Variants in SNTB1 observed in about 807,000 individuals in gnomAD.
The protein encoded by SNTB1 is syntrophin beta 1, also known as beta-1-syntrophin.
A neutral mutation model predicts 48.9 loss-of-function variants in SNTB1; 36 were observed. That is an observed-to-expected ratio of 0.74 (90% confidence interval 0.56 to 0.97). The LOEUF (loss-of-function observed/expected upper bound fraction) is 0.97, where lower values mean the gene tolerates loss of function less well. SNTB1 is among the 50% of genes least tolerant of loss of function. The pLI is 0.00. For synonymous variants in SNTB1, 299 were observed against 294.6 expected (o/e 1.01, Z -0.15); for missense variants, 786 against 703.4 (o/e 1.12, Z -1.33).
At chr8:120,620,243 TTA>T (rs1285752513) in intron 3 of SNTB1, among the ~76,000 whole-genome samples, 1 of 152,200 alleles carries the variant, frequency 6.6e-6, no homozygotes, top group Admixed American at 6.5e-5. Context: ...TGGATTACAT[TTA>T]TTGGATGCTA....
chr8:120,709,417 G>C (rs1252774800), intron 1 of SNTB1, among the ~76,000 whole-genome samples: 1 of 152,132 alleles, frequency 6.6e-6, no homozygotes, highest in Non-Finnish European at 1.5e-5. Context: ...AGAGATAAAG[G>C]TCAACAGACA....
chr8:120,674,037 G>T (rs1236885206), intron 2 of SNTB1, among the ~76,000 whole-genome samples: 1 of 152,150 alleles, frequency 6.6e-6, no homozygotes, highest in Non-Finnish European at 1.5e-5. Flanking sequence ...CATGGGTTTG[G>T]CAAACTGTTA....
chr8:120,546,168 T>C (rs1815377416), intron 5 of SNTB1, among the ~76,000 whole-genome samples: 2 of 152,186 alleles, frequency 1.3e-5, no homozygotes, highest in South Asian at 4.1e-4. Context: ...AACTCAAAGT[T>C]AGATTTACTG....
intron 2 of SNTB1, among the ~76,000 whole-genome samples, chr8:120,644,966 G>A (rs1817261705): frequency 6.6e-6 from 1 of 151,852 alleles, no homozygotes; most frequent in South Asian, 2.1e-4. Context: ...GTCTTCTTTT[G>A]AGAAGTGTCT....
intron 2 of SNTB1, among the ~76,000 whole-genome samples, chr8:120,663,376 T>G (rs1281307130): frequency 6.6e-6 from 1 of 152,008 alleles, no homozygotes; most frequent in Non-Finnish European, 1.5e-5. Flanking sequence ...AGTATGAGAG[T>G]ACATTGCACA....
At chr8:120,672,137 T>C (rs1314409235) in intron 2 of SNTB1, among the ~76,000 whole-genome samples, 1 of 145,842 alleles carries the variant, frequency 6.9e-6, no homozygotes, top group Non-Finnish European at 1.5e-5. Context: ...TAGGCTAATG[T>C]AAGTGTTCTG....
chr8:120,552,763 G>A (rs753671397), intron 4 of SNTB1, among the ~76,000 whole-genome samples: 11 of 152,058 alleles, frequency 7.2e-5, no homozygotes, highest in African/African-American at 2.7e-4. Flanking sequence ...TGATTCAAGC[G>A]CATTACATTT....
chr8:120,747,171 T>G (rs1198946919), intron 1 of SNTB1, among the ~76,000 whole-genome samples: 5 of 152,236 alleles, frequency 3.3e-5, no homozygotes, highest in Non-Finnish European at 7.3e-5. Flanking sequence ...CATGGAATAC[T>G]ATGCAGCCAT....
intron 3 of SNTB1, among the ~76,000 whole-genome samples, chr8:120,604,598 G>A (rs1388137165): frequency 3.3e-5 from 5 of 151,910 alleles, no homozygotes; most frequent in South Asian, 2.1e-4. Flanking sequence ...TTACAGGTGC[G>A]CACCACCATG....
rs13270241 is a variant in SNTB1 at position 120,792,121 on chromosome 8, C to A, written c.571+19152G>T. 3.3e-4 allele frequency among the ~76,000 whole-genome samples: 49 copies of A among 147,704 alleles called. 1 individual carries two copies. The highest frequency in any genetic ancestry group is 7.9e-4 in the East Asian group (4 of 5,064). ...AAGAAGCACACACACACACACACACCCACACACACATACATACACCCACAC... is the reference window on the plus strand; with the variant it reads ...AAGAAGCACACACACACACACACACACACACACACATACATACACCCACAC... On this transcript the variant is annotated intron_variant, in intron 1 of 6. Coordinates refer to ENST00000517992, the MANE Select transcript of SNTB1 (RefSeq NM_021021.4).
At chr8:120,621,517 A>G (rs1412323561) in intron 3 of SNTB1, among the ~76,000 whole-genome samples, 1 of 152,216 alleles carries the variant, frequency 6.6e-6, no homozygotes, top group East Asian at 1.9e-4. Flanking sequence ...GTACAGCCAC[A>G]TGTTTTGTGA....
chr8:120,671,462 G>A (rs997327167), intron 2 of SNTB1, among the ~76,000 whole-genome samples: 1 of 152,218 alleles, frequency 6.6e-6, no homozygotes, highest in Non-Finnish European at 1.5e-5. Flanking sequence ...CTGAAGCGGA[G>A]ATTGCAGGGA....
chr8:120,751,651 A>G (rs956037824), intron 1 of SNTB1, among the ~76,000 whole-genome samples: 1 of 152,090 alleles, frequency 6.6e-6, no homozygotes, highest in Non-Finnish European at 1.5e-5. Context: ...TTATATATAC[A>G]TTTATATATA....
chr8:120,539,940 C>G (rs2130640580), intron 6 of SNTB1, among the ~76,000 whole-genome samples: 1 of 152,262 alleles, frequency 6.6e-6, no homozygotes, highest in Non-Finnish European at 1.5e-5. Context: ...AGTTATGAAA[C>G]TTTCTGAAAT....
At chr8:120,711,376 T>C (rs1818461464) in intron 1 of SNTB1, among the ~76,000 whole-genome samples, 1 of 152,122 alleles carries the variant, frequency 6.6e-6, no homozygotes, top group Non-Finnish European at 1.5e-5. Context: ...TAAGGTAAAG[T>C]ATACTCCACA....
At chr8:120,654,909 A>G (rs1489431340) in intron 2 of SNTB1, 1 of 449,340 alleles carries the variant, frequency 2.2e-6, no homozygotes, top group Non-Finnish European at 4.4e-6. Flanking sequence ...TGGAGAAAAC[A>G]CAGATGAAAC....
At chr8:120,543,178 G>A (rs572812180) in intron 5 of SNTB1, among the ~76,000 whole-genome samples, 2 of 152,292 alleles carry the variant, frequency 1.3e-5, no homozygotes, top group African/African-American at 4.8e-5. Flanking sequence ...TCCTATTTAG[G>A]AAGACTTGTG....
intron 3 of SNTB1, among the ~76,000 whole-genome samples, chr8:120,614,935 T>C (rs1816687789): frequency 7.6e-6 from 1 of 131,738 alleles, no homozygotes; most frequent in African/African-American, 3.1e-5. Context: ...GGTCAGGAGA[T>C]TGAAACCATC....
chr8:120,677,692 T>C (rs1202888066), intron 2 of SNTB1, among the ~76,000 whole-genome samples: 1 of 152,190 alleles, frequency 6.6e-6, no homozygotes, highest in Non-Finnish European at 1.5e-5. Flanking sequence ...AGATGTCAAC[T>C]TATTTAATTC....
Sources: allele counts gnomAD v4.1 joint callset (sites outside exome capture counted in the v4.1 genomes callset), GRCh38; gene constraint gnomAD v4.1.1; transcripts MANE v1.5; gene names NCBI Gene and HGNC (gene_info 2026-07-23, HGNC 2026-07-21).